ZNF177: variants seen among roughly 807,000 people sequenced by gnomAD.
ZNF177 encodes zinc finger protein 177.
Under a neutral mutation model 19.4 loss-of-function variants are expected in ZNF177, and 17 were observed. The ratio of observed to expected loss-of-function variants is 0.87; its 90% CI spans 0.60 to 1.31. The LOEUF is 1.31. ZNF177 is among the 40% of genes most tolerant of loss of function. The pLI, the probability that ZNF177 is intolerant of heterozygous loss-of-function variation, is 0.00. For synonymous variants in ZNF177, 220 were observed against 188.7 expected, an observed-to-expected ratio of 1.17 and a Z score of -1.36; for missense variants, 633 against 561.8, an observed-to-expected ratio of 1.13 and a Z score of -1.28.
chr19:9,381,741 C>A (rs768709458), exon 6 of ZNF177: 47 of 1,606,680 alleles, frequency 2.9e-5, no homozygotes, highest in South Asian at 3.3e-5. Context: ...TTATAATGCA[C>A]AAGCGAATCC....
intron 2 of ZNF177, among the ~76,000 whole-genome samples, chr19:9,367,096 G>A (rs563342837): frequency 1.1e-4 from 16 of 152,176 alleles, no homozygotes; most frequent in Admixed American, 4.6e-4. Flanking sequence ...CCAGGCGGGC[G>A]GATCATGAGG....
chr19:9,363,356 C>CT (rs2067931678), intron 1 of ZNF177: 1 of 152,262 alleles, frequency 6.6e-6, no homozygotes, highest in African/African-American at 2.4e-5. Flanking sequence ...GTACCCTTCT[C>CT]TTTAAACGTC....
In ZNF177 at chr19:9,381,696, TCA is replaced by T. The variant is rs777563250; in HGVS notation, c.1366_1367del (p.Gln456ValfsTer2). On this transcript the variant is annotated frameshift_variant, in exon 6 of 6. Transcript: ENST00000589262. LOFTEE classifies it low-confidence loss of function (END_TRUNC). ...CTGGAGAGAAGCCTTATAAATGTAT[TCA>T]GTGTGAAAAAGCCTTTAGCACAAGC... is the stretch of plus-strand genomic sequence containing the variant. 2.5e-6 allele frequency: 4 copies of T among 1,614,030 alleles called. No individual in the cohort carries two copies. In the East Asian group the frequency reaches 8.9e-5, roughly 36 times the overall value.
chr19:9,381,506 G>A lies in ZNF177; in HGVS notation c.1175G>A (p.Gly392Glu), dbSNP rs200228196. The A allele has an allele frequency of 2.5e-6, 4 of 1,614,186 alleles. No individual in the cohort carries two copies. In the East Asian group the frequency reaches 8.9e-5, roughly 36 times the overall value. Residue 392 changes from glycine to glutamate, a missense_variant, in exon 6 of 6, where the codon GGA (glycine) becomes GAA (glutamate). Coordinates refer to ENST00000589262, the Ensembl canonical transcript of ZNF177. ...AAGAAACACACACGCTCTCACACTG[G>A]AGAGAAGCCTTATGAGTGTAACCAG...
Position 9,378,872 on chromosome 19 carries a change from CTCCAG to C in ZNF177, c.34-86_34-82del, listed in dbSNP as rs1251060659. On this transcript the variant is annotated intron_variant, in intron 2 of 5. Coordinates refer to ENST00000589262, the Ensembl canonical transcript of ZNF177. Reference sequence around the variant, plus strand: ...GAGCTTCCAGTGCCCTGAGTCTCCTCTCCAGTCCTGTCAGCCTCACCCACCATTCT... The same window carrying C: ...GAGCTTCCAGTGCCCTGAGTCTCCTCTCCTGTCAGCCTCACCCACCATTCT... 4.2e-5 allele frequency: 62 copies of C among 1,483,740 alleles called. No individual in the cohort carries two copies. The Middle Eastern group carries it at 8.8e-3, about 210-fold the overall frequency. 91.9% of individuals were successfully genotyped at this position (1,483,740 alleles called of 1,614,324 possible). A position where few individuals can be genotyped will look rare whatever the true frequency, so the allele number is the denominator to read the frequency against.
chr19:9,378,625 C>G (rs181707718), intron 2 of ZNF177: 38 of 583,742 alleles, frequency 6.5e-5, no homozygotes, highest in Non-Finnish European at 1.0e-4. Flanking sequence ...TATCATTTCT[C>G]AAGTATTTCT....
chr19:9,368,616 T>A (rs540432838), intron 2 of ZNF177, among the ~76,000 whole-genome samples: 1 of 152,278 alleles, frequency 6.6e-6, no homozygotes, highest in Non-Finnish European at 1.5e-5. Context: ...TTCACTTCTT[T>A]TCTAATATAA....
intron 4 of ZNF177, 51 bp downstream of exon 6, chr19:9,379,670 A>C: frequency 1.9e-6 from 3 of 1,584,070 alleles, no homozygotes; most frequent in African/African-American, 1.3e-5. Flanking sequence ...GGGTTAGTAC[A>C]TTTGGGAATG....
intron 3 of ZNF177, 39 bp downstream of exon 5, chr19:9,379,127 A>G: frequency 6.4e-7 from 1 of 1,566,818 alleles, no homozygotes; most frequent in East Asian, 2.3e-5. Context: ...TTATGTAGCA[A>G]ATAGTTCTTA....
chr19:9,370,780 C>G (rs1353561681), intron 2 of ZNF177, among the ~76,000 whole-genome samples: 1 of 152,112 alleles, frequency 6.6e-6, no homozygotes, highest in African/African-American at 2.4e-5. Context: ...TCTACATGTT[C>G]AGTACAGACA....
chr19:9,381,723 C>G (rs746150640), exon 6 of ZNF177: 1 of 1,613,324 alleles, frequency 6.2e-7, no homozygotes, highest in Non-Finnish European at 8.5e-7. Flanking sequence ...TTAGCACAAG[C>G]ACTAACCTTA....
intron 2 of ZNF177, 123 bp downstream of exon 4, chr19:9,378,467 G>C (rs899024030): frequency 4.2e-6 from 6 of 1,439,770 alleles, no homozygotes; most frequent in Non-Finnish European, 5.6e-6. Context: ...GCAGCTCCCA[G>C]GCTGCTTCAT....
intron 2 of ZNF177, among the ~76,000 whole-genome samples, chr19:9,371,073 TG>T: frequency 6.6e-6 from 1 of 152,348 alleles, no homozygotes; most frequent in Middle Eastern, 3.4e-3. Flanking sequence ...TGAATAATGC[TG>T]GGTTTTCCCC....
chr19:9,381,101 A>C, exon 6 of ZNF177: 1 of 1,613,102 alleles, frequency 6.2e-7, no homozygotes, highest in Non-Finnish European at 8.5e-7. Flanking sequence ...GAGGGTTTGG[A>C]ATGTAATGAA....
chr19:9,382,462 C>A (rs530672119), downstream of ZNF177: 1 of 398,552 alleles, frequency 2.5e-6, no homozygotes, highest in Non-Finnish European at 4.4e-6. Context: ...TATCTGGTTG[C>A]ACTAATCCTG....
At chr19:9,367,700 C>T (rs1160213244) in intron 2 of ZNF177, among the ~76,000 whole-genome samples, 2 of 152,168 alleles carry the variant, frequency 1.3e-5, no homozygotes, top group Non-Finnish European at 2.9e-5. Context: ...CTTTTATACT[C>T]TTAATCACGG....
At chr19:9,378,875 C>T (rs2068148672) in intron 2 of ZNF177, 87 bp from the exon 5 acceptor site, 3 of 1,487,886 alleles carry the variant, frequency 2.0e-6, no homozygotes, top group Middle Eastern at 2.0e-4. Flanking sequence ...GTCTCCTCTC[C>T]AGTCCTGTCA....
At chr19:9,365,945 A>G (rs2067973077) in intron 2 of ZNF177, among the ~76,000 whole-genome samples, 1 of 152,168 alleles carries the variant, frequency 6.6e-6, no homozygotes, top group Non-Finnish European at 1.5e-5. Context: ...CTCACAGAGC[A>G]AAGAGCAGGA....
chr19:9,366,464 C>T (rs557003493), intron 2 of ZNF177, among the ~76,000 whole-genome samples: 1 of 152,078 alleles, frequency 6.6e-6, no homozygotes, highest in Non-Finnish European at 1.5e-5. Context: ...CACTGTGTTA[C>T]CAGGCTGGTC....
Sources: allele counts gnomAD v4.1 joint callset (sites outside exome capture counted in the v4.1 genomes callset), GRCh38; gene constraint gnomAD v4.1.1; transcripts MANE v1.5; gene names NCBI Gene and HGNC (gene_info 2026-07-23, HGNC 2026-07-21).